The following CCSER1 variants were observed in gnomAD, a reference collection of about 807,000 sequenced individuals.
CCSER1 encodes the protein coiled-coil serine rich protein 1.
In CCSER1, 41 loss-of-function variants were observed where a neutral mutation model predicts 82.0. That is an observed-to-expected ratio of 0.50 (90% CI 0.39 to 0.65). CCSER1 has a LOEUF of 0.65. CCSER1 is among the 30% of genes least tolerant of loss of function. CCSER1 has a pLI of 0.00. For synonymous variants in CCSER1, 414 were observed against 383.9 expected, an observed-to-expected ratio of 1.08 and a Z score of -0.92; for missense variants, 1,119 against 1,064.2, an observed-to-expected ratio of 1.05 and a Z score of -0.72.
At chr4:91,411,495 T>TATATATATATATAC (rs1460779870) in intron 10 of CCSER1, among the ~76,000 whole-genome samples, 2 of 55,222 alleles carry the variant, frequency 3.6e-5, no homozygotes, top group Non-Finnish European at 7.9e-5. Context: ...TATATACATA[T>TATATATATATATAC]ATATATATAT....
chr4:91,176,893 G>A (rs1733437964), intron 10 of CCSER1, among the ~76,000 whole-genome samples: 1 of 152,174 alleles, frequency 6.6e-6, no homozygotes, highest in South Asian at 2.1e-4. Context: ...TCCCGGTCTT[G>A]TGCCAGTTTT....
intron 5 of CCSER1, among the ~76,000 whole-genome samples, chr4:90,563,635 A>G (rs553370879): frequency 1.8e-4 from 28 of 152,148 alleles, no homozygotes; most frequent in African/African-American, 6.7e-4. Context: ...TTTTGAGGGT[A>G]GTTACTATTT....
At chr4:90,281,912 C>G (rs766739828) in intron 1 of CCSER1, among the ~76,000 whole-genome samples, 5 of 151,956 alleles carry the variant, frequency 3.3e-5, no homozygotes, top group Admixed American at 2.0e-4. Flanking sequence ...TGGGAATACC[C>G]GTGATTGACT....
intron 5 of CCSER1, among the ~76,000 whole-genome samples, chr4:90,572,680 T>C: frequency 6.6e-6 from 1 of 152,092 alleles, no homozygotes; most frequent in Non-Finnish European, 1.5e-5. Flanking sequence ...TTCTGTTTGG[T>C]TTTTTAAAAG....
chr4:90,608,395 C>T (rs1785013856), intron 5 of CCSER1, among the ~76,000 whole-genome samples: 1 of 152,126 alleles, frequency 6.6e-6, no homozygotes, highest in Non-Finnish European at 1.5e-5. Flanking sequence ...CCTAAAGGGT[C>T]CTCTGATTGG....
chr4:90,262,776 C>T (rs1453698407), intron 1 of CCSER1, among the ~76,000 whole-genome samples: 1 of 152,148 alleles, frequency 6.6e-6, no homozygotes, highest in African/African-American at 2.4e-5. Flanking sequence ...CAGCCTCACT[C>T]CTGCCCCTGT....
At chr4:90,295,879 A>C (rs1436305711) in intron 1 of CCSER1, among the ~76,000 whole-genome samples, 1 of 151,916 alleles carries the variant, frequency 6.6e-6, no homozygotes, top group Admixed American at 6.6e-5. Flanking sequence ...TCAGCTTCTC[A>C]TGTTTGAACA....
Position 90,182,620 on chromosome 4 carries a change from T to G in CCSER1, c.-42+54789T>G, listed in dbSNP as rs548096725. 4.6e-5 allele frequency among the ~76,000 whole-genome samples: 7 copies of G among 152,300 alleles called. No homozygotes were observed. In the South Asian group the frequency reaches 1.2e-3, roughly 27 times the overall value. On this transcript the variant is annotated intron_variant, in intron 1 of 10. Transcript: ENST00000509176. ...ACTAATTATTAAAGCTTTTCTTATT[T>G]AGGCAATTGCAGATAATTTTGTATC...
intron 1 of CCSER1, among the ~76,000 whole-genome samples, chr4:90,227,360 G>T (rs2153424723): frequency 6.6e-6 from 1 of 152,226 alleles, no homozygotes; most frequent in Middle Eastern, 3.4e-3. Flanking sequence ...TTATACTTTG[G>T]GAAATCTGTG....
intron 9 of CCSER1, among the ~76,000 whole-genome samples, chr4:90,952,362 T>G (rs1733005021): frequency 6.6e-6 from 1 of 151,950 alleles, no homozygotes; most frequent in Non-Finnish European, 1.5e-5. Flanking sequence ...ATGCTACACT[T>G]CAGAGATGCC....
At position 90,411,863 on chromosome 4, in the gene CCSER1, C is replaced by A. The variant is rs1193646312; in HGVS notation, c.1603+11734C>A. ...GTTTGCAGATAACATGATTGTACAT[C>A]TAGAAAACCCCATTGTCTCAGCCCA... On this transcript the variant is annotated intron_variant, in intron 4 of 10. Transcript: ENST00000509176. 3.9e-5 allele frequency among the ~76,000 whole-genome samples: 6 copies of A among 152,058 alleles called. No individual in the cohort carries two copies. In the South Asian group the frequency reaches 6.2e-4, roughly 16 times the overall value.
At chr4:91,387,912 T>C (rs907878884) in intron 10 of CCSER1, among the ~76,000 whole-genome samples, 1 of 152,120 alleles carries the variant, frequency 6.6e-6, no homozygotes, top group African/African-American at 2.4e-5. Context: ...TATAGGACTT[T>C]AGACTATTAT....
At chr4:90,626,509 C>T (rs1193731290) in intron 5 of CCSER1, among the ~76,000 whole-genome samples, 5 of 152,152 alleles carry the variant, frequency 3.3e-5, no homozygotes, top group South Asian at 2.1e-4. Flanking sequence ...TTGAATCAAT[C>T]GTATCAGATA....
rs370533253 is a variant in CCSER1 at position 91,421,808 on chromosome 4, T to TA, written c.2218-176753dup. 4.0e-3 allele frequency among the ~76,000 whole-genome samples: 574 copies of TA among 144,096 alleles called. 3 individuals carry two copies. The highest frequency in any genetic ancestry group is 9.8e-3 in the African/African-American group (390 of 39,654). The allele number at this position is 144,096 out of a possible 152,430, so 94.5% of individuals were successfully genotyped here. A position where few individuals can be genotyped will look rare whatever the true frequency, so the allele number is the denominator to read the frequency against. ...TTTAAAATTAAAAATTAAAAAAAGT[T>TA]AAAAAAAAAAACCACAATGAGAAAG... On this transcript the variant is annotated intron_variant, in intron 10 of 10. Transcript: ENST00000509176.
intron 10 of CCSER1, among the ~76,000 whole-genome samples, chr4:91,390,172 T>C (rs1751561278): frequency 6.6e-6 from 1 of 152,002 alleles, no homozygotes; most frequent in Non-Finnish European, 1.5e-5. Flanking sequence ...TTTTTGTAGA[T>C]TTTTAAAAAA....
chr4:91,330,699 A>G (rs1256890261), intron 10 of CCSER1, among the ~76,000 whole-genome samples: 1 of 152,172 alleles, frequency 6.6e-6, no homozygotes, highest in East Asian at 1.9e-4. Context: ...CTGGAGAAGT[A>G]GTGGCTCAGC....
At chr4:91,485,675 A>G (rs937451024) in intron 10 of CCSER1, among the ~76,000 whole-genome samples, 8 of 152,166 alleles carry the variant, frequency 5.3e-5, no homozygotes, top group African/African-American at 1.9e-4. Flanking sequence ...GTAACATACT[A>G]TACTTAAAGA....
At chr4:90,888,611 T>C (rs2150103764) in intron 8 of CCSER1, among the ~76,000 whole-genome samples, 2 of 152,244 alleles carry the variant, frequency 1.3e-5, no homozygotes, top group South Asian at 4.1e-4. Context: ...ACTAATTAAA[T>C]GGGAAAATAA....
intron 8 of CCSER1, among the ~76,000 whole-genome samples, chr4:90,854,113 AG>A (rs142280827): frequency 1.0e-3 from 153 of 152,308 alleles, no homozygotes; most frequent in African/African-American, 3.4e-3. Context: ...TTCTTCAAGA[AG>A]CTAGAGATAC....
Sources: gnomAD v4.1 joint callset for allele counts (sites outside exome capture counted in the v4.1 genomes callset) on GRCh38, gnomAD v4.1.1 for gene constraint, MANE v1.5 for transcripts, NCBI Gene and HGNC (gene_info 2026-07-23, HGNC 2026-07-21) for gene names.